GPATCH2L: variants seen among roughly 807,000 people sequenced by gnomAD.
GPATCH2L encodes G-patch domain containing 2 like.
Under a neutral mutation model 57.4 loss-of-function variants are expected in GPATCH2L, and 31 were observed. The observed-to-expected ratio is 0.54, with a 90% CI of 0.41 to 0.73. The LOEUF is 0.73. Ranked by LOEUF, GPATCH2L falls within the 30% of genes least tolerant of loss-of-function variation. The pLI, the probability that GPATCH2L is intolerant of heterozygous loss-of-function variation, is 0.00. For missense variants in GPATCH2L, 481 were observed against 599.9 expected (o/e 0.80, Z 2.07); for synonymous variants, 199 against 210.7 (o/e 0.94, Z 0.48).
chr14:76,210,275 A>T lies in GPATCH2L; in HGVS notation c.*8424A>T, dbSNP rs1242176637. 6 of 152,364 alleles carry T rather than the reference A, an allele frequency of 3.9e-5. No homozygotes were observed. Among genetic ancestry groups the T allele is most frequent in the Non-Finnish European group, 7.3e-5 (5 of 68,038 alleles). The allele number at this position is 152,364 out of a possible 1,614,324, so 9.4% of individuals were successfully genotyped here. On this transcript the variant is annotated 3_prime_UTR_variant, in exon 10 of 10. Transcript: ENST00000261530. ...AACAATGAAATACACTTACAGTTAC[A>T]GACAAACTTGCTCGAGTCACATATC...
chr14:76,156,485 C>G (rs2038312521), intron 2 of GPATCH2L, among the ~76,000 whole-genome samples: 1 of 152,130 alleles, frequency 6.6e-6, no homozygotes, highest in African/African-American at 2.4e-5. Context: ...TGCCTCATTC[C>G]TTCTAAGGTC....
chr14:76,162,082 C>T (rs1469869177), intron 2 of GPATCH2L, among the ~76,000 whole-genome samples: 4 of 151,976 alleles, frequency 2.6e-5, no homozygotes, highest in African/African-American at 9.7e-5. Context: ...ACAATGAATA[C>T]TTTATCGCTT....
downstream of GPATCH2L, among the ~76,000 whole-genome samples, chr14:76,217,473 TAA>T (rs2040494936): frequency 6.6e-6 from 1 of 152,146 alleles, no homozygotes; most frequent in East Asian, 1.9e-4. Flanking sequence ...GAAGGGAATG[TAA>T]ATCCACATGG....
At chr14:76,227,282 C>T (rs1271320714) in intron 1 of GPATCH2L, among the ~76,000 whole-genome samples, 1 of 152,172 alleles carries the variant, frequency 6.6e-6, no homozygotes, top group Non-Finnish European at 1.5e-5. Context: ...AGGATACTCA[C>T]CCTCCTACAC....
chr14:76,169,239 C>T (rs1765262028), intron 3 of GPATCH2L, among the ~76,000 whole-genome samples: 1 of 152,184 alleles, frequency 6.6e-6, no homozygotes, highest in African/African-American at 2.4e-5. Flanking sequence ...GTTTCTTTTA[C>T]TACTCACTAG....
Position 76,211,576 on chromosome 14 carries a change from T to C in GPATCH2L, c.*9725T>C, listed in dbSNP as rs1445850891. 1 of 152,224 alleles carries C rather than the reference T, an allele frequency of 6.6e-6. No homozygotes were observed. The highest frequency in any genetic ancestry group is 1.5e-5 in the Non-Finnish European group (1 of 68,030). The allele number at this position is 152,224 out of a possible 1,614,324, so 9.4% of individuals were successfully genotyped here. ...CGACTTAGTAGAGTTTAATGCACAA[T>C]GTGATGGTCTTAGTTCCTTGTACTG... is the stretch of plus-strand genomic sequence containing the variant. On this transcript the variant is annotated 3_prime_UTR_variant, in exon 10 of 10. Transcript: ENST00000261530.
intron 2 of GPATCH2L, among the ~76,000 whole-genome samples, chr14:76,232,919 G>A (rs1412228062): frequency 6.6e-6 from 1 of 152,160 alleles, no homozygotes; most frequent in Non-Finnish European, 1.5e-5. Context: ...GAGGTAAAAT[G>A]GATACTGCAT....
Position 76,154,961 on chromosome 14 carries a change from A to G in GPATCH2L, c.598A>G (p.Lys200Glu). 6.2e-7 allele frequency: 1 copy of G among 1,614,126 alleles called. No individual in the cohort carries two copies. The highest frequency in any genetic ancestry group is 8.5e-7 in the Non-Finnish European group (1 of 1,180,028). Reference protein sequence around the residue: ...NRTFLSKTGRKERMECETDEQ... With the variant: ...NRTFLSKTGREERMECETDEQ... Reference sequence around the variant, plus strand: ...GACTTTCCTAAGCAAAACAGGAAGGAAAGAAAGGATGGAGTGTGAAACAGA... The same window carrying G: ...GACTTTCCTAAGCAAAACAGGAAGGGAAGAAAGGATGGAGTGTGAAACAGA... The change falls in exon 2 of 10, where the codon AAA becomes GAA. Residue 200 changes from lysine to glutamate, a missense_variant. Physicochemically the swap from Lys to Glu is moderately conservative, Grantham distance 56. Around this residue, in one of 3 missense-constraint regions of GPATCH2L, gnomAD observed 208 missense variants for 272.4 expected, o/e 0.76. Transcript: ENST00000261530. The surrounding 1 kb of genome is among the most constrained non-coding windows in gnomAD (Gnocchi z 4.4).
At chr14:76,187,188 A>G (rs11850313) in intron 8 of GPATCH2L, among the ~76,000 whole-genome samples, 31,204 of 151,890 alleles carry the variant, frequency 0.21, 3,541 homozygotes, top group African/African-American at 0.3. Flanking sequence ...CATTTAATCT[A>G]GGGATTAAAT....
At chr14:76,162,938 G>A (rs1441626995) in intron 2 of GPATCH2L, among the ~76,000 whole-genome samples, 1 of 152,182 alleles carries the variant, frequency 6.6e-6, no homozygotes, top group East Asian at 1.9e-4. Context: ...AGCTGTGCCT[G>A]AAAGTTTTAA....
chr14:76,221,609 C>G (rs111769400), intron 1 of GPATCH2L, among the ~76,000 whole-genome samples: 3,380 of 152,244 alleles, frequency 0.022, 76 homozygotes, highest in South Asian at 0.078. Context: ...AATGGATAAA[C>G]AATCTGGTAC....
intron 8 of GPATCH2L, among the ~76,000 whole-genome samples, chr14:76,185,759 T>C (rs539617708): frequency 6.6e-6 from 1 of 152,332 alleles, no homozygotes; most frequent in East Asian, 1.9e-4. Context: ...TGAGAAATCT[T>C]ATTTTTAGTT....
intron 4 of GPATCH2L, among the ~76,000 whole-genome samples, chr14:76,172,605 G>C (rs1594938279): frequency 6.6e-6 from 1 of 152,178 alleles, no homozygotes; most frequent in African/African-American, 2.4e-5. Flanking sequence ...TGTCTACCAA[G>C]CTCTGTGATA....
At position 76,197,697 on chromosome 14, in the gene GPATCH2L, G is replaced by A. The variant is rs567760171; in HGVS notation, c.1288+1725G>A. 9.9e-5 allele frequency among the ~76,000 whole-genome samples: 15 copies of A among 152,204 alleles called. No individual in the cohort carries two copies. The South Asian group carries it at 1.0e-3, about 11-fold the overall frequency. ...TGAGTGATGAAGAGAGGTGGGTTCC[G>A]CTTTGCCGCTGTATTAATACACATC... On this transcript the variant is annotated intron_variant, in intron 9 of 9. Coordinates refer to ENST00000261530, the MANE Select transcript of GPATCH2L (RefSeq NM_017926.4).
chr14:76,167,099 A>G (rs1382780922), intron 3 of GPATCH2L, among the ~76,000 whole-genome samples: 8 of 152,092 alleles, frequency 5.3e-5, no homozygotes, highest in Admixed American at 4.6e-4. Flanking sequence ...AGGTGTTAAG[A>G]CATTATTTTC....
At chr14:76,200,847 TC>T (rs1249448782) in intron 9 of GPATCH2L, among the ~76,000 whole-genome samples, 4 of 152,310 alleles carry the variant, frequency 2.6e-5, no homozygotes, top group Non-Finnish European at 5.9e-5. Flanking sequence ...AATCCAAACT[TC>T]CCTAGATTTT....
chr14:76,188,040 A>G (rs1426775715), intron 8 of GPATCH2L, among the ~76,000 whole-genome samples: 2 of 152,110 alleles, frequency 1.3e-5, no homozygotes, highest in East Asian at 3.8e-4. Context: ...TGTTGCAAAT[A>G]ACAGGATCTC....
intron 2 of GPATCH2L, among the ~76,000 whole-genome samples, chr14:76,162,430 A>C (rs1159549305): frequency 6.6e-6 from 1 of 152,184 alleles, no homozygotes; most frequent in Non-Finnish European, 1.5e-5. Flanking sequence ...CTAATTGCAG[A>C]AGTGGCAACC....
intron 8 of GPATCH2L, among the ~76,000 whole-genome samples, chr14:76,192,465 G>T (rs551879825): frequency 1.1e-4 from 16 of 152,196 alleles, no homozygotes; most frequent in South Asian, 8.3e-4. Context: ...ACCTTGAAAT[G>T]GGTCTTAAGA....
Sources: allele counts gnomAD v4.1 joint callset (sites outside exome capture counted in the v4.1 genomes callset), GRCh38; gene constraint gnomAD v4.1.1; regional missense constraint gnomAD v4.1.1; non-coding constraint Gnocchi (gnomAD v3.1); transcripts MANE v1.5; gene names NCBI Gene and HGNC (gene_info 2026-07-23, HGNC 2026-07-21).